DHCR7: variants seen among roughly 807,000 people sequenced by gnomAD.
DHCR7 encodes the protein 7-dehydrocholesterol reductase, also known as 7-DHC reductase.
DHCR7 carries 40 observed loss-of-function variants against 43.3 expected under a neutral mutation model. That is an observed-to-expected ratio of 0.92 (90% CI 0.72 to 1.20). DHCR7 has a LOEUF of 1.20. DHCR7 is among the 50% of genes most tolerant of loss of function. The pLI is 0.00. For missense variants in DHCR7, 608 were observed against 644.6 expected (o/e 0.94, Z 0.62); for synonymous variants, 298 against 271.4 (o/e 1.10, Z -0.96).
downstream of DHCR7, among the ~76,000 whole-genome samples, chr11:71,432,184 C>G (rs1057435177): frequency 1.3e-5 from 2 of 152,198 alleles, no homozygotes; most frequent in Non-Finnish European, 2.9e-5. Context: ...TATTCCTCCT[C>G]CCTTGATTTC....
downstream of DHCR7, among the ~76,000 whole-genome samples, chr11:71,432,515 T>C (rs190467337): frequency 7.2e-5 from 11 of 152,336 alleles, no homozygotes; most frequent in East Asian, 1.2e-3. Context: ...TCAAGCTAAT[T>C]AACATATCCA....
intron 8 of DHCR7, among the ~76,000 whole-genome samples, chr11:71,436,413 C>G (rs1431049795): frequency 6.6e-6 from 1 of 152,222 alleles, no homozygotes; most frequent in African/African-American, 2.4e-5. Context: ...ACCTGTAATC[C>G]CAGCACTTTG....
At chr11:71,438,702 C>T (rs1248640154) in intron 7 of DHCR7, 177 bp downstream of exon 7, 1 of 698,160 alleles carries the variant, frequency 1.4e-6, no homozygotes. Flanking sequence ...AGACAGGCAC[C>T]CAAGGATGGC....
chr11:71,435,900 G>T, intron 8 of DHCR7, 61 bp from the exon 9 acceptor site: 1 of 1,437,050 alleles, frequency 7.0e-7, no homozygotes, highest in South Asian at 1.2e-5. Flanking sequence ...CAGGAGTGTG[G>T]GCTCGGGGGC....
In DHCR7 at chr11:71,444,132, C is replaced by T; in HGVS notation, c.182G>A (p.Cys61Tyr). 1 of 1,609,084 alleles carries T rather than the reference C, an allele frequency of 6.2e-7. No homozygotes were observed. ...PFIVYYFIMA[C>Y]DQYSCALTGP... The stretch of plus-strand genomic sequence containing the variant: ...AGTCAGGGCGCAGCTGTACTGGTCA[C>T]AAGCCATGATGAAGTAGTAGACGAT... Residue 61 changes from cysteine to tyrosine, a missense_variant, in exon 4 of 9, where the codon TGT becomes TAT. Coordinates refer to ENST00000355527, the MANE Select transcript of DHCR7 (RefSeq NM_001360.3).
At chr11:71,430,743 G>C (rs1480345153), downstream of DHCR7, among the ~76,000 whole-genome samples, 1 of 152,250 alleles carries the variant, frequency 6.6e-6, no homozygotes, top group African/African-American at 2.4e-5. Context: ...AGAGGGGCCA[G>C]GAAGGGCAGG....
chr11:71,445,039 G>T, intron 2 of DHCR7, 81 bp from the exon 3 acceptor site: 1 of 1,203,592 alleles, frequency 8.3e-7, no homozygotes, highest in Non-Finnish European at 1.2e-6. Flanking sequence ...CACTGCTCCT[G>T]GGCCTGGCAG....
rs1949255559 is a variant in DHCR7 at position 71,434,992 on chromosome 11, G to A, written c.*383C>T. 2 of 421,048 alleles carry A rather than the reference G, an allele frequency of 4.8e-6. No homozygotes were observed. Among genetic ancestry groups the A allele is most frequent in the South Asian group, 1.8e-5 (1 of 54,784 alleles). The allele number at this position is 421,048 out of a possible 1,614,324, so 26.1% of individuals were successfully genotyped here. On this transcript the variant is annotated 3_prime_UTR_variant, in exon 9 of 9. Coordinates refer to ENST00000355527, the MANE Select transcript of DHCR7 (RefSeq NM_001360.3). The stretch of plus-strand genomic sequence containing the variant: ...CCACTTTTATTTAGCAAGAGTAAAT[G>A]CAGCCTAATGACAGGGCGTGGGAAG...
In DHCR7 at chr11:71,444,730, G is replaced by C. The variant is rs1389823563; in HGVS notation, c.98+125C>G. ...AAACTGTTTACCTTTCATTAGTCTT[G>C]ACAAAAAAAAAAAAATCTTTTTTAA... On this transcript the variant is annotated intron_variant, in intron 3 of 8. Transcript: ENST00000355527. 3.7e-6 allele frequency: 3 copies of C among 801,890 alleles called. No individual in the cohort carries two copies. The East Asian group carries it at 7.6e-5, about 20-fold the overall frequency. The allele number at this position is 801,890 out of a possible 1,614,324, so 49.7% of individuals were successfully genotyped here.
chr11:71,430,673 G>A (rs1949223471), downstream of DHCR7, among the ~76,000 whole-genome samples: 1 of 152,218 alleles, frequency 6.6e-6, no homozygotes, highest in South Asian at 2.1e-4. Flanking sequence ...CTTGAAGGAT[G>A]GTGAAGGCCG....
chr11:71,439,402 A>T (rs558147939), intron 6 of DHCR7, among the ~76,000 whole-genome samples: 1 of 152,270 alleles, frequency 6.6e-6, no homozygotes, highest in East Asian at 1.9e-4. Flanking sequence ...GTTTCTCTCT[A>T]CCCTTCTCCA....
Position 71,434,924 on chromosome 11 carries a change from T to C in DHCR7, c.*451A>G, listed in dbSNP as rs11233662. 8.6e-3 allele frequency: 3,137 copies of C among 364,382 alleles called. 99 individuals carry two copies. Among genetic ancestry groups the C allele is most frequent in the African/African-American group, 0.06 (2,847 of 47,086 alleles). 22.6% of individuals were successfully genotyped at this position (364,382 alleles called of 1,614,324 possible). On this transcript the variant is annotated 3_prime_UTR_variant, in exon 9 of 9. Coordinates refer to ENST00000355527, the MANE Select transcript of DHCR7 (RefSeq NM_001360.3). ...GCAGAGCAGGCAGGGGAGGGGGATC[T>C]AGAGCTGAAAGGCAATACATGGATA... is the stretch of plus-strand genomic sequence containing the variant.
intron 7 of DHCR7, 51 bp downstream of exon 7, chr11:71,438,828 C>T: frequency 1.9e-6 from 3 of 1,594,962 alleles, no homozygotes; most frequent in Non-Finnish European, 2.6e-6. Context: ...TGCGGGTTCC[C>T]CCAGAGCCTG....
chr11:71,441,380 C>T lies in DHCR7; in HGVS notation c.473G>A (p.Trp158Ter), dbSNP rs1343783336. The T allele has an allele frequency of 6.2e-7, 1 of 1,614,178 alleles. No individual in the cohort carries two copies. Among genetic ancestry groups the T allele is most frequent in the Non-Finnish European group, 8.5e-7 (1 of 1,180,040 alleles). Reference protein sequence around the residue: ...LQAWLLTHLLWFANAHLLSWF... With the variant: ...LQAWLLTHLL ...GGACAGGAGATGAGCGTTTGCAAACCAGAGCAGGTGCGTGAGGAGCCAGGC... is the reference window on the plus strand; with the variant it reads ...GGACAGGAGATGAGCGTTTGCAAACTAGAGCAGGTGCGTGAGGAGCCAGGC... Residue 158 changes from tryptophan to a stop codon, truncating the protein, a stop_gained, in exon 6 of 9, where the codon TGG (tryptophan) becomes TAG (stop). Transcript: ENST00000355527. LOFTEE classifies it high-confidence loss of function.
In DHCR7 at chr11:71,444,090, A is replaced by G; in HGVS notation, c.224T>C (p.Ile75Thr). 1 of 1,613,596 alleles carries G rather than the reference A, an allele frequency of 6.2e-7. No homozygotes were observed. Among genetic ancestry groups the G allele is most frequent in the Non-Finnish European group, 8.5e-7 (1 of 1,179,872 alleles). ...CGAGAGCCGAGCATGTCCGGTGACG[A>G]TGTCCACCACAGGGCCAGTCAGGGC... ...SCALTGPVVD[I>T]VTGHARLSDI... The change falls in exon 4 of 9, where the codon ATC becomes ACC. Residue 75 changes from isoleucine (I) to threonine (T), a missense_variant. Ile to Thr is a moderately conservative substitution (Grantham distance 89). Coordinates refer to ENST00000355527, the MANE Select transcript of DHCR7 (RefSeq NM_001360.3).
At chr11:71,442,652 T>C (rs1199077701) in intron 4 of DHCR7, among the ~76,000 whole-genome samples, 1 of 151,934 alleles carries the variant, frequency 6.6e-6, no homozygotes, top group East Asian at 1.9e-4. Flanking sequence ...CAACTTTTTA[T>C]ATATATATAT....
At chr11:71,447,366 A>T (rs1029933673) in intron 2 of DHCR7, among the ~76,000 whole-genome samples, 1 of 152,262 alleles carries the variant, frequency 6.6e-6, no homozygotes, top group African/African-American at 2.4e-5. Flanking sequence ...TACAGAGTTC[A>T]TTCACCCAGG....
chr11:71,446,120 G>A (rs954351979), intron 2 of DHCR7, among the ~76,000 whole-genome samples: 1 of 152,138 alleles, frequency 6.6e-6, no homozygotes, highest in African/African-American at 2.4e-5. Context: ...GGTACAAGAT[G>A]AATGGCTAGG....
chr11:71,438,083 T>G, intron 7 of DHCR7, 140 bp from the exon 8 acceptor site: 2 of 1,006,064 alleles, frequency 2.0e-6, no homozygotes, highest in Non-Finnish European at 3.0e-6. Flanking sequence ...GGGCTGTTCC[T>G]TCCCTGCGGC....
Sources: gnomAD v4.1 joint callset for allele counts (sites outside exome capture counted in the v4.1 genomes callset) on GRCh38, gnomAD v4.1.1 for gene constraint, MANE v1.5 for transcripts, NCBI Gene and HGNC (gene_info 2026-07-23, HGNC 2026-07-21) for gene names.